TRPM8: variants seen among roughly 807,000 people sequenced by gnomAD.
TRPM8 encodes the protein TRPM8 cationic channel.
Under a neutral mutation model 133.7 loss-of-function variants are expected in TRPM8, and 110 were observed. That is an observed-to-expected ratio of 0.82 (90% CI 0.70 to 0.96). The LOEUF (loss-of-function observed/expected upper bound fraction) is 0.96. Among genes scored for constraint, TRPM8 ranks in the 40% least tolerant of loss-of-function variants. The pLI, the probability that TRPM8 is intolerant of heterozygous loss-of-function variation, is 0.00. For missense variants in TRPM8, 1,291 were observed against 1,379.5 expected (o/e 0.94, Z 1.02); for synonymous variants, 535 against 532.3 (o/e 1.01, Z -0.07).
At chr2:233,972,468 G>A (rs557529281) in intron 17 of TRPM8, among the ~76,000 whole-genome samples, 9 of 152,360 alleles carry the variant, frequency 5.9e-5, no homozygotes, top group South Asian at 2.1e-4. Flanking sequence ...CTGTGCGCCC[G>A]CACTCCTCAG....
Position 233,989,445 on chromosome 2 carries a change from C to T in TRPM8, c.2939+3580C>T, listed in dbSNP as rs549622487. On this transcript the variant is annotated intron_variant, in intron 21 of 25. Transcript: ENST00000324695. The surrounding 1 kb of genome is among the most constrained non-coding windows in gnomAD (Gnocchi z 4.2). ...CCTTGGGGAACCTCCTCGATTAGCTCCGGCTTAAACCAGAGGCCTTTTCCT... is the reference window on the plus strand; with the variant it reads ...CCTTGGGGAACCTCCTCGATTAGCTTCGGCTTAAACCAGAGGCCTTTTCCT... 3.3e-5 allele frequency among the ~76,000 whole-genome samples: 5 copies of T among 152,328 alleles called. No homozygotes were observed. In the South Asian group the frequency reaches 1.0e-3, roughly 32 times the overall value.
chr2:233,955,146 G>T lies in TRPM8; in HGVS notation c.1258G>T (p.Glu420Ter), dbSNP rs372936420. ...CCCTCTCACAGCCTTCAGCACCAGT[G>T]AGCAAGACAAGGATAACTGGAATGG... ...YALYKAFSTS[E>*]QDKDNWNGQL... is the part of the protein sequence containing the mutation. Residue 420 changes from glutamate (E) to a stop codon, truncating the protein, a stop_gained, in exon 11 of 26, where the codon GAG becomes TAG. Coordinates refer to ENST00000324695, the MANE Select transcript of TRPM8 (RefSeq NM_024080.5). LOFTEE classifies it high-confidence loss of function. 1 of 1,614,002 alleles carries T rather than the reference G, an allele frequency of 6.2e-7. No individual in the cohort carries two copies. The highest frequency in any genetic ancestry group is 8.5e-7 in the Non-Finnish European group (1 of 1,179,890).
intron 16 of TRPM8, 157 bp from the exon 17 acceptor site, chr2:233,970,053 G>A: frequency 1.3e-6 from 1 of 755,442 alleles, no homozygotes; most frequent in Non-Finnish European, 2.3e-6. Context: ...AAATGCCAAG[G>A]ATTTAATTGG....
Position 233,985,682 on chromosome 2 carries a change from C to T in TRPM8, c.2762-6C>T, listed in dbSNP as rs1406651553. The stretch of plus-strand genomic sequence containing the variant: ...TCACTTTGCCTGTTGGTTTCTACAT[C>T]CTCAGGTACCACGTATGACTTTGCC... On this transcript the variant is annotated splice_polypyrimidine_tract_variant and splice_region_variant and intron_variant, in intron 20 of 25. Coordinates refer to ENST00000324695, the MANE Select transcript of TRPM8 (RefSeq NM_024080.5). The T allele has an allele frequency of 6.2e-7, 1 of 1,612,610 alleles. No individual in the cohort carries two copies. The highest frequency in any genetic ancestry group is 1.7e-5 in the Admixed American group (1 of 59,996).
intron 8 of TRPM8, 114 bp downstream of exon 8, chr2:233,947,269 T>C: frequency 6.4e-7 from 1 of 1,557,072 alleles, no homozygotes; most frequent in Non-Finnish European, 8.7e-7. Flanking sequence ...CTGCAGCAAG[T>C]AGGTAGTGTT....
intron 15 of TRPM8, among the ~76,000 whole-genome samples, chr2:233,967,469 C>G (rs1233872084): frequency 6.6e-6 from 1 of 152,220 alleles, no homozygotes; most frequent in Non-Finnish European, 1.5e-5. Context: ...CTTCACAGCA[C>G]CTGTGGGGAT....
Position 233,942,648 on chromosome 2 carries a change from C to A in TRPM8, c.599C>A (p.Thr200Asn). ...KYIGEVVRDNTISRSSEENIV... is the reference protein window; with the variant it reads ...KYIGEVVRDNNISRSSEENIV... Reference sequence around the variant, plus strand: ...ATCGGGGAGGTGGTGAGAGATAACACCATCAGCAGGAGTTCAGAGGAGAAT... The same window carrying A: ...ATCGGGGAGGTGGTGAGAGATAACAACATCAGCAGGAGTTCAGAGGAGAAT... Residue 200 changes from threonine (T) to asparagine (N), a missense_variant, in exon 6 of 26, where the codon ACC becomes AAC. Physicochemically the swap from Thr to Asn is moderately conservative, Grantham distance 65 (BLOSUM62 0). Transcript: ENST00000324695. 6.2e-7 allele frequency: 1 copy of A among 1,614,172 alleles called. No homozygotes were observed. The highest frequency in any genetic ancestry group is 1.3e-5 in the African/African-American group (1 of 75,050).
At position 234,014,659 on chromosome 2, in the gene TRPM8, G is replaced by A. The variant is rs1692916325; in HGVS notation, c.*42+5G>A. 2 of 1,076,834 alleles carry A rather than the reference G, an allele frequency of 1.9e-6. No homozygotes were observed. The highest frequency in any genetic ancestry group is 2.7e-6 in the Non-Finnish European group (2 of 747,222). The allele number at this position is 1,076,834 out of a possible 1,614,324, so 66.7% of individuals were successfully genotyped here. ...GAAAAATCTAATTATAGCAAGGTGAGTCATTCTAATAGCTTTTTACTTTGC... is the reference window on the plus strand; with the variant it reads ...GAAAAATCTAATTATAGCAAGGTGAATCATTCTAATAGCTTTTTACTTTGC... On this transcript the variant is annotated splice_donor_5th_base_variant and intron_variant, in intron 25 of 25. Coordinates refer to ENST00000324695, the MANE Select transcript of TRPM8 (RefSeq NM_024080.5).
intron 18 of TRPM8, among the ~76,000 whole-genome samples, chr2:233,981,539 G>A (rs575935234): frequency 3.9e-5 from 6 of 152,104 alleles, no homozygotes; most frequent in African/African-American, 1.2e-4. Context: ...AGGAACCTCC[G>A]AGAGCTCAGT....
chr2:233,946,165 G>A (rs1004753710), intron 7 of TRPM8, 135 bp downstream of exon 7: 4 of 867,586 alleles, frequency 4.6e-6, no homozygotes, highest in African/African-American at 1.7e-5. Context: ...CCAAAGAACT[G>A]TTATTTCTCT....
intron 9 of TRPM8, among the ~76,000 whole-genome samples, 183 bp downstream of exon 9, chr2:233,950,329 G>A (rs1691145727): frequency 1.3e-5 from 2 of 152,180 alleles, no homozygotes; most frequent in African/African-American, 4.8e-5. Flanking sequence ...CTCACCAAGT[G>A]TGATATTTGT....
intron 8 of TRPM8, among the ~76,000 whole-genome samples, chr2:233,948,860 C>T (rs1691105936): frequency 6.6e-6 from 1 of 152,186 alleles, no homozygotes; most frequent in African/African-American, 2.4e-5. Context: ...TGGCAAAACC[C>T]TGTCTCTACT....
Position 233,927,796 on chromosome 2 carries a change from TTTCCTTCCTTCCTTCCTTCC to T in TRPM8, c.117+1181_117+1200del, listed in dbSNP as rs1170295086. Among the ~76,000 whole-genome samples the T allele has an allele frequency of 2.1e-3, 55 of 25,596 alleles. 4 individuals carry two copies. The highest frequency in any genetic ancestry group is 2.8e-3 in the Non-Finnish European group (46 of 16,554). The allele number at this position is 25,596 out of a possible 152,430, so 16.8% of individuals were successfully genotyped here. A position where few individuals can be genotyped will look rare whatever the true frequency, so the allele number is the denominator to read the frequency against. ...TTTCTTTCTTTCTTTCTTTCTTTTC[TTTCCTTCCTTCCTTCCTTCC>T]TTCCTTCCTTCCTTCCTTCCTTCCT... On this transcript the variant is annotated intron_variant, in intron 2 of 25. Coordinates refer to ENST00000324695, the MANE Select transcript of TRPM8 (RefSeq NM_024080.5).
chr2:233,991,434 A>T (rs1161521750), intron 21 of TRPM8, among the ~76,000 whole-genome samples: 2 of 152,214 alleles, frequency 1.3e-5, no homozygotes, highest in African/African-American at 4.8e-5. Context: ...TTTAACATAC[A>T]CACCAGCGCA....
At chr2:233,991,983 A>C (rs1692290621) in intron 21 of TRPM8, among the ~76,000 whole-genome samples, 1 of 152,204 alleles carries the variant, frequency 6.6e-6, no homozygotes, top group South Asian at 2.1e-4. Flanking sequence ...AAGAAATGCT[A>C]TGATTTTCAT....
At chr2:233,919,102 T>G (rs1394054067) in intron 1 of TRPM8, among the ~76,000 whole-genome samples, 1 of 151,898 alleles carries the variant, frequency 6.6e-6, no homozygotes, top group Non-Finnish European at 1.5e-5. Flanking sequence ...AAAATGACAC[T>G]TTAGGACTGA....
chr2:233,920,506 C>CCCA (rs1691386498), intron 1 of TRPM8, among the ~76,000 whole-genome samples: 2 of 152,320 alleles, frequency 1.3e-5, no homozygotes. Flanking sequence ...TTGGGCCTGC[C>CCCA]ATGGAGATAA....
chr2:233,999,706 G>A (rs1435225228), intron 22 of TRPM8, among the ~76,000 whole-genome samples: 1 of 152,220 alleles, frequency 6.6e-6, no homozygotes, highest in Non-Finnish European at 1.5e-5. Context: ...GTGCATGGGG[G>A]CTTACCTCTC....
chr2:233,965,409 C>T (rs139474396), intron 14 of TRPM8, among the ~76,000 whole-genome samples: 15 of 152,300 alleles, frequency 9.8e-5, no homozygotes, highest in African/African-American at 2.6e-4. Flanking sequence ...TGTCTCAGGA[C>T]GCCTGACTGC....
Sources: allele counts gnomAD v4.1 joint callset (sites outside exome capture counted in the v4.1 genomes callset), GRCh38; gene constraint gnomAD v4.1.1; non-coding constraint Gnocchi (gnomAD v3.1); transcripts MANE v1.5; gene names NCBI Gene and HGNC (gene_info 2026-07-23, HGNC 2026-07-21).